The following MTFR1 variants were observed in gnomAD, a reference collection of about 807,000 sequenced individuals.
The protein encoded by MTFR1 is mitochondrial fission regulator 1.
MTFR1 carries 28 observed loss-of-function variants against 38.8 expected under a neutral mutation model. The observed-to-expected ratio is 0.72, with a 90% CI of 0.53 to 0.99. The LOEUF (loss-of-function observed/expected upper bound fraction) is 0.99, where lower values mean the gene tolerates loss of function less well. Among genes scored for constraint, MTFR1 ranks in the 50% least tolerant of loss-of-function variants. MTFR1 has a pLI of 0.00. For synonymous variants in MTFR1, 145 were observed against 137.0 expected (o/e 1.06, Z -0.41); for missense variants, 358 against 395.5 (o/e 0.91, Z 0.81).
At position 65,747,860 on chromosome 8, in the gene MTFR1, C is replaced by A. The variant is rs559412022; in HGVS notation, c.*49-23087C>A. The A allele has an allele frequency of 8.7e-6, 9 of 1,028,904 alleles. No homozygotes were observed. The East Asian group carries it at 2.3e-4, about 26-fold the overall frequency. The allele number at this position is 1,028,904 out of a possible 1,614,324, so 63.7% of individuals were successfully genotyped here. A position where few individuals can be genotyped will look rare whatever the true frequency, so the allele number is the denominator to read the frequency against. ...CAAGTTAAAATTATACACATGCTAT[C>A]TTTGCAATACCACTTTTAGTTATGT... On this transcript the variant is annotated intron_variant, in intron 3 of 3. Transcript: ENST00000521247.
At chr8:65,715,253 A>G (rs1806086312), downstream of MTFR1, among the ~76,000 whole-genome samples, 1 of 152,274 alleles carries the variant, frequency 6.6e-6, no homozygotes, top group Non-Finnish European at 1.5e-5. Context: ...GTGGAGCTAT[A>G]GGCCTGATGC....
chr8:65,739,581 G>A, intron 3 of MTFR1: 1 of 1,544,168 alleles, frequency 6.5e-7, no homozygotes, highest in Non-Finnish European at 8.7e-7. Context: ...GAAAGGTTAA[G>A]CTTACTAGAC....
intron 3 of MTFR1, among the ~76,000 whole-genome samples, chr8:65,691,571 C>T (rs776039327): frequency 8.5e-5 from 13 of 152,300 alleles, no homozygotes; most frequent in South Asian, 4.1e-4. Flanking sequence ...GGATTACAGG[C>T]GTGAGCCACC....
Position 65,669,976 on chromosome 8 carries a change from A to C in MTFR1, c.24A>C (p.Leu8=), listed in dbSNP as rs778270315. Residue 8 remains leucine (L), a synonymous_variant, in exon 2 of 8, where the codon CTA becomes CTC. Coordinates refer to ENST00000262146, the MANE Select transcript of MTFR1 (RefSeq NM_014637.4). MLGWIKR[L]IRMVFQQVGV... ...AAATGCTTGGCTGGATTAAGCGCCT[A>C]ATTAGGATGGTTTTTCAACAAGTTG... The C allele has an allele frequency of 2.5e-6, 4 of 1,601,648 alleles. No homozygotes were observed.
At position 65,663,427 on chromosome 8, in the gene MTFR1, A is replaced by G. The variant is rs1026926843; in HGVS notation, c.-80-6446A>G. On this transcript the variant is annotated intron_variant, in intron 1 of 7. Coordinates refer to ENST00000262146, the MANE Select transcript of MTFR1 (RefSeq NM_014637.4). Reference sequence around the variant, plus strand: ...GCAGGGTCCTCTGCCTAGGAAAACCAGAGACCTTTGTTCACTTGTTTATCT... The same window carrying G: ...GCAGGGTCCTCTGCCTAGGAAAACCGGAGACCTTTGTTCACTTGTTTATCT... Among the ~76,000 whole-genome samples the G allele has an allele frequency of 8.6e-4, 130 of 151,762 alleles. 4 individuals are homozygous for G. Among genetic ancestry groups the G allele is most frequent in the Admixed American group, 6.6e-5 (1 of 15,186 alleles).
intron 3 of MTFR1, chr8:65,747,539 A>G (rs1331803515): frequency 1.7e-6 from 1 of 585,274 alleles, no homozygotes; most frequent in African/African-American, 1.9e-5. Flanking sequence ...AATAGGCTCA[A>G]CTGCTTTTCA....
chr8:65,707,118 A>C lies in MTFR1; in HGVS notation c.626A>C (p.Asp209Ala). The C allele has an allele frequency of 1.3e-6, 2 of 1,486,776 alleles. No homozygotes were observed. The highest frequency in any genetic ancestry group is 1.8e-6 in the Non-Finnish European group (2 of 1,100,394). The allele number at this position is 1,486,776 out of a possible 1,614,324, so 92.1% of individuals were successfully genotyped here. A position where few individuals can be genotyped will look rare whatever the true frequency, so the allele number is the denominator to read the frequency against. Reference sequence around the variant, plus strand: ...CTCCACCAAAGTACATCTGCTGTTGATCTGATTAAAGAACGAAGAGAGAAA... The same window carrying C: ...CTCCACCAAAGTACATCTGCTGTTGCTCTGATTAAAGAACGAAGAGAGAAA... ...LGLHQSTSAVDLIKERREKRA... is the reference protein window; with the variant it reads ...LGLHQSTSAVALIKERREKRA... The change falls in exon 6 of 8, where the codon GAT becomes GCT. Residue 209 changes from aspartate to alanine, a missense_variant. Transcript: ENST00000262146.
chr8:65,721,109 G>A (rs1233810814), intron 3 of MTFR1, among the ~76,000 whole-genome samples: 1 of 151,696 alleles, frequency 6.6e-6, no homozygotes, highest in African/African-American at 2.4e-5. Context: ...CCATGGACCA[G>A]CCTCTCTCTT....
chr8:65,747,941 T>G (rs1807757822), intron 3 of MTFR1: 1 of 490,530 alleles, frequency 2.0e-6, no homozygotes, highest in African/African-American at 2.0e-5. Flanking sequence ...ATGAAAGAAG[T>G]GATACTTTAT....
intron 4 of MTFR1, among the ~76,000 whole-genome samples, chr8:65,702,267 CT>C (rs1227115334): frequency 8.8e-6 from 1 of 113,480 alleles, no homozygotes; most frequent in Non-Finnish European, 2.1e-5. Flanking sequence ...TGTTAGTTTT[CT>C]TTTCTTTGTT....
intron 4 of MTFR1, among the ~76,000 whole-genome samples, chr8:65,694,072 CTTT>C (rs773434384): frequency 3.6e-5 from 4 of 109,656 alleles, no homozygotes; most frequent in Non-Finnish European, 5.6e-5. Flanking sequence ...CTGGCTAATT[CTTT>C]TTTTTTTTTT....
Position 65,668,416 on chromosome 8 carries a change from G to C in MTFR1, c.-80-1457G>C, listed in dbSNP as rs59654668. On this transcript the variant is annotated intron_variant, in intron 1 of 7. Coordinates refer to ENST00000262146, the MANE Select transcript of MTFR1 (RefSeq NM_014637.4). ...TTGGCCAGGTTGGTCTCAAACTCCT[G>C]ACCTCAAGTGATCCGCCCGCCTCAG... Among the ~76,000 whole-genome samples, 99 of 149,122 alleles carry C rather than the reference G, an allele frequency of 6.6e-4. No individual in the cohort carries two copies. In the East Asian group the frequency reaches 0.019, roughly 29 times the overall value.
At position 65,725,036 on chromosome 8, in the gene MTFR1, ATCAT is replaced by A. The variant is rs562895060; in HGVS notation, c.*48+5559_*48+5562del. ...TTATAGAACCCTAAAATATCCAACT[ATCAT>A]TCAATTTAAAATTTATCACACAAAA... On this transcript the variant is annotated intron_variant, in intron 3 of 3. Transcript: ENST00000521247. The A allele has an allele frequency of 6.0e-5, 31 of 513,844 alleles. No homozygotes were observed. In the Admixed American group the frequency reaches 1.1e-3, roughly 18 times the overall value. 31.8% of individuals were successfully genotyped at this position (513,844 alleles called of 1,614,324 possible).
At chr8:65,694,356 T>G (rs933063948) in intron 4 of MTFR1, among the ~76,000 whole-genome samples, 1 of 152,124 alleles carries the variant, frequency 6.6e-6, no homozygotes, top group African/African-American at 2.4e-5. Flanking sequence ...ATTACAGACG[T>G]GAGCCACCAC....
intron 3 of MTFR1, among the ~76,000 whole-genome samples, chr8:65,720,048 A>C (rs936440450): frequency 1.3e-5 from 2 of 152,238 alleles, no homozygotes; most frequent in Non-Finnish European, 2.9e-5. Context: ...AGTCAGTCTA[A>C]AAATAACAGG....
intron 2 of MTFR1, 34 bp from the exon 3 acceptor site, chr8:65,682,319 G>A: frequency 8.8e-7 from 1 of 1,137,318 alleles, no homozygotes; most frequent in Non-Finnish European, 1.3e-6. Flanking sequence ...TGTACATCTT[G>A]TAATTAAGCT....
intron 3 of MTFR1, among the ~76,000 whole-genome samples, chr8:65,684,170 T>C (rs1326543937): frequency 6.6e-6 from 1 of 152,192 alleles, no homozygotes; most frequent in Non-Finnish European, 1.5e-5. Flanking sequence ...GTACATTTAC[T>C]TGGGAGAATT....
chr8:65,723,645 A>G, intron 3 of MTFR1: 1 of 1,460,412 alleles, frequency 6.8e-7, no homozygotes, highest in Non-Finnish European at 9.2e-7. Context: ...AAAGAGAAGT[A>G]TTAATATGAA....
At chr8:65,734,069 C>T (rs1399267324) in intron 3 of MTFR1, among the ~76,000 whole-genome samples, 2 of 152,162 alleles carry the variant, frequency 1.3e-5, no homozygotes, top group Non-Finnish European at 2.9e-5. Context: ...TTTTATGTAA[C>T]TCTATACTAG....
Sources: gnomAD v4.1 joint callset for allele counts (sites outside exome capture counted in the v4.1 genomes callset) on GRCh38, gnomAD v4.1.1 for gene constraint, MANE v1.5 for transcripts, NCBI Gene and HGNC (gene_info 2026-07-23, HGNC 2026-07-21) for gene names.